Variants in NIBAN1 observed in about 807,000 individuals in gnomAD.
NIBAN1 encodes protein Niban 1.
A neutral mutation model predicts 75.1 loss-of-function variants in NIBAN1; 81 were observed. The observed-to-expected ratio is 1.08, with a 90% CI of 0.90 to 1.30. The LOEUF (loss-of-function observed/expected upper bound fraction) is 1.30. Among genes scored for constraint, NIBAN1 ranks in the 50% most tolerant of loss-of-function variants. NIBAN1 has a pLI of 0.00. For synonymous variants in NIBAN1, 436 were observed against 424.8 expected (o/e 1.03, Z -0.32); for missense variants, 1,133 against 1,128.1 (o/e 1.00, Z -0.06).
Position 184,795,429 on chromosome 1 carries a change from C to G in NIBAN1, c.2335G>C (p.Glu779Gln). 1 of 1,607,130 alleles carries G rather than the reference C, an allele frequency of 6.2e-7. No homozygotes were observed. The change falls in exon 14 of 14, where the codon GAG becomes CAG. Residue 779 changes from glutamate to glutamine, a missense_variant. By Grantham distance (29) the Glu-to-Gln change is conservative (BLOSUM62 2). Transcript: ENST00000367511. ...SEREAQPPCPEAHGEELGGFP... is the reference protein window; with the variant it reads ...SEREAQPPCPQAHGEELGGFP... ...CCCCCCAACTCCTCCCCATGGGCCT[C>G]GGGACAGGGAGGTTGGGCCTCCCTC...
intron 1 of NIBAN1, among the ~76,000 whole-genome samples, chr1:184,956,131 C>T (rs755769975): frequency 1.1e-4 from 16 of 151,890 alleles, no homozygotes; most frequent in South Asian, 2.1e-4. Flanking sequence ...TGGGTTCCAG[C>T]GATCTTCCTA....
At chr1:184,876,881 G>C (rs1298511765) in intron 5 of NIBAN1, among the ~76,000 whole-genome samples, 1 of 152,116 alleles carries the variant, frequency 6.6e-6, no homozygotes, top group Non-Finnish European at 1.5e-5. Context: ...AAGAAAAGAT[G>C]CATCATTTTA....
chr1:184,902,848 A>T (rs1233733584), intron 1 of NIBAN1, among the ~76,000 whole-genome samples: 1 of 152,262 alleles, frequency 6.6e-6, no homozygotes, highest in Non-Finnish European at 1.5e-5. Flanking sequence ...AATGAGGATA[A>T]TAAGATGCCC....
intron 1 of NIBAN1, among the ~76,000 whole-genome samples, chr1:184,957,715 T>C (rs189141709): frequency 9.8e-4 from 149 of 152,346 alleles, no homozygotes; most frequent in African/African-American, 3.3e-3. Flanking sequence ...ACTACTGTCC[T>C]CATTTTCATA....
chr1:184,962,837 T>C (rs1215682705), intron 1 of NIBAN1, among the ~76,000 whole-genome samples: 1 of 152,192 alleles, frequency 6.6e-6, no homozygotes, highest in Non-Finnish European at 1.5e-5. Flanking sequence ...AAGAAACCAG[T>C]AACTTATATT....
At chr1:184,923,457 G>A (rs1657609466) in intron 1 of NIBAN1, among the ~76,000 whole-genome samples, 1 of 152,142 alleles carries the variant, frequency 6.6e-6, no homozygotes, top group South Asian at 2.1e-4. Context: ...TGCTGTTTTG[G>A]TTACTATAGC....
chr1:184,962,254 T>G (rs532828602), intron 1 of NIBAN1, among the ~76,000 whole-genome samples: 1 of 152,356 alleles, frequency 6.6e-6, no homozygotes, highest in East Asian at 1.9e-4. Flanking sequence ...AAAAACAGTT[T>G]GTTCAACAGC....
At chr1:184,968,552 A>G (rs1658857472) in intron 1 of NIBAN1, among the ~76,000 whole-genome samples, 1 of 152,034 alleles carries the variant, frequency 6.6e-6, no homozygotes, top group Non-Finnish European at 1.5e-5. Context: ...GCAATTTCTC[A>G]CTTCTTACAA....
At position 184,793,929 on chromosome 1, in the gene NIBAN1, C is replaced by G. The variant is rs1653762582; in HGVS notation, c.*1048G>C. 1 of 151,648 alleles carries G rather than the reference C, an allele frequency of 6.6e-6. No homozygotes were observed. Among genetic ancestry groups the G allele is most frequent in the Non-Finnish European group, 1.5e-5 (1 of 67,956 alleles). The allele number at this position is 151,648 out of a possible 1,614,324, so 9.4% of individuals were successfully genotyped here. A position where few individuals can be genotyped will look rare whatever the true frequency, so the allele number is the denominator to read the frequency against. ...TGAGAGCATACACCTTGGCTTTTGTCTTTATTCATTTATTTATTTATTCAT... is the reference window on the plus strand; with the variant it reads ...TGAGAGCATACACCTTGGCTTTTGTGTTTATTCATTTATTTATTTATTCAT... On this transcript the variant is annotated 3_prime_UTR_variant, in exon 14 of 14. Coordinates refer to ENST00000367511, the MANE Select transcript of NIBAN1 (RefSeq NM_052966.4).
intron 9 of NIBAN1, among the ~76,000 whole-genome samples, chr1:184,817,102 C>T (rs1302981208): frequency 6.6e-6 from 1 of 152,140 alleles, no homozygotes; most frequent in Admixed American, 6.5e-5. Context: ...TCAATTCCCA[C>T]CTATGAGTGA....
intron 1 of NIBAN1, among the ~76,000 whole-genome samples, chr1:184,912,970 C>T (rs1311785841): frequency 6.6e-6 from 1 of 152,024 alleles, no homozygotes; most frequent in Non-Finnish European, 1.5e-5. Context: ...AGGTACAATC[C>T]AGCAATCTGT....
chr1:184,830,943 T>A (rs1310458114), intron 6 of NIBAN1, among the ~76,000 whole-genome samples: 2 of 150,462 alleles, frequency 1.3e-5, no homozygotes, highest in African/African-American at 4.9e-5. Context: ...GAGGTTGCAG[T>A]GAGCTGAGAT....
chr1:184,913,958 A>G (rs191494932), intron 1 of NIBAN1, among the ~76,000 whole-genome samples: 116 of 152,284 alleles, frequency 7.6e-4, no homozygotes, highest in African/African-American at 2.7e-3. Context: ...GGTACCATTA[A>G]TGGTTTATAC....
At chr1:184,932,173 T>C (rs746495406) in intron 1 of NIBAN1, among the ~76,000 whole-genome samples, 5 of 152,350 alleles carry the variant, frequency 3.3e-5, no homozygotes, top group African/African-American at 7.2e-5. Flanking sequence ...AATTTTTCCA[T>C]GGACCAGGGT....
chr1:184,942,530 A>C (rs969089545), intron 1 of NIBAN1, among the ~76,000 whole-genome samples: 1 of 152,084 alleles, frequency 6.6e-6, no homozygotes, highest in Non-Finnish European at 1.5e-5. Context: ...CGTCTCTACT[A>C]AAAATACAAA....
rs201304773 is a variant in NIBAN1, at chr1:184,894,081, A to T, written c.312T>A (p.Asn104Lys). 114 of 1,602,152 alleles carry T rather than the reference A, an allele frequency of 7.1e-5. No homozygotes were observed. Among genetic ancestry groups the T allele is most frequent in the Non-Finnish European group, 9.5e-5 (112 of 1,176,172 alleles). The change falls in exon 3 of 14, where the codon AAT becomes AAA. Residue 104 changes from asparagine to lysine, a missense_variant. By Grantham distance (94) the Asn-to-Lys change is moderately conservative. Transcript: ENST00000367511. ...TAACAAAGAAGTGTCTTACCTCTTT[A>T]TTCTCATAGCTCTCCACAGCATAAT... ...KNDYAVESYENKEAYQRGAAP... is the reference protein window; with the variant it reads ...KNDYAVESYEKKEAYQRGAAP...
At chr1:184,879,375 T>C (rs1656316618) in intron 5 of NIBAN1, among the ~76,000 whole-genome samples, 1 of 152,202 alleles carries the variant, frequency 6.6e-6, no homozygotes, top group Admixed American at 6.5e-5. Context: ...GATATGTGCA[T>C]GTCCATAAAC....
Position 184,806,052 on chromosome 1 carries a change from A to G in NIBAN1, c.1340T>C (p.Met447Thr), listed in dbSNP as rs374206704. The change falls in exon 11 of 14, where the codon ATG becomes ACG. Residue 447 changes from methionine (M) to threonine (T), a missense_variant. Transcript: ENST00000367511. ...QRTQNYMQEL[M>T]ENAVFTFEQL... ...CTCAAAAGTGAACACTGCATTCTCCATTAGCTAGAAACCAGAAGCGACACA... is the reference window on the plus strand; with the variant it reads ...CTCAAAAGTGAACACTGCATTCTCCGTTAGCTAGAAACCAGAAGCGACACA... 3.1e-6 allele frequency: 5 copies of G among 1,613,214 alleles called. No individual in the cohort carries two copies. Among genetic ancestry groups the G allele is most frequent in the Admixed American group, 3.3e-5 (2 of 60,004 alleles).
intron 8 of NIBAN1, among the ~76,000 whole-genome samples, chr1:184,819,038 C>G (rs888438519): frequency 6.6e-6 from 1 of 152,102 alleles, no homozygotes; most frequent in East Asian, 1.9e-4. Context: ...CAAACCTATC[C>G]ACTCCCCAAG....
Sources: gnomAD v4.1 joint callset for allele counts (sites outside exome capture counted in the v4.1 genomes callset) on GRCh38, gnomAD v4.1.1 for gene constraint, MANE v1.5 for transcripts, NCBI Gene and HGNC (gene_info 2026-07-23, HGNC 2026-07-21) for gene names.